The following PSMA6 variants were observed in gnomAD, a reference collection of about 807,000 sequenced individuals.
PSMA6 encodes the protein proteasome 20S subunit alpha 6.
For synonymous variants in PSMA6, 88 were observed against 97.7 expected (o/e 0.90, Z 0.59); for missense variants, 170 against 294.8 (o/e 0.58, Z 3.10).
intron 4 of PSMA6, among the ~76,000 whole-genome samples, chr14:35,312,324 G>A (rs910647120): frequency 1.4e-4 from 22 of 151,764 alleles, no homozygotes; most frequent in African/African-American, 2.2e-4. Context: ...TGGCTAACAC[G>A]GCGAAACCCG....
upstream of PSMA6, among the ~76,000 whole-genome samples, chr14:35,289,513 G>A (rs767543799): frequency 6.6e-6 from 1 of 151,774 alleles, no homozygotes; most frequent in Non-Finnish European, 1.5e-5. Flanking sequence ...TGTTGTTGTT[G>A]TATTTTAATA....
At position 35,281,246 on chromosome 14, in the gene PSMA6, T is replaced by C. The variant is rs2051363561; in HGVS notation, c.19+2528T>C. On this transcript the variant is annotated intron_variant, in intron 1 of 6. Coordinates refer to the PSMA6 transcript ENST00000540871. ...CCTTATTTTGAGTAGCCACAAACCATTCCACTTTCTCCACTCCTGTATACC... is the reference window on the plus strand; with the variant it reads ...CCTTATTTTGAGTAGCCACAAACCACTCCACTTTCTCCACTCCTGTATACC... 2.0e-5 allele frequency among the ~76,000 whole-genome samples: 3 copies of C among 152,192 alleles called. No individual in the cohort carries two copies. The South Asian group carries it at 6.2e-4, about 31-fold the overall frequency.
chr14:35,303,183 T>G (rs2051750168), intron 1 of PSMA6, among the ~76,000 whole-genome samples: 1 of 152,220 alleles, frequency 6.6e-6, no homozygotes, highest in South Asian at 2.1e-4. Flanking sequence ...TGACTTGTTT[T>G]GTTCTAATAG....
At chr14:35,304,991 T>A (rs746182244) in intron 1 of PSMA6, among the ~76,000 whole-genome samples, 70 of 151,926 alleles carry the variant, frequency 4.6e-4, no homozygotes, top group Middle Eastern at 3.2e-3. Flanking sequence ...AGTGGGAGGG[T>A]CTGAATCAGA....
intron 2 of PSMA6, chr14:35,308,567 T>A (rs929683187): frequency 4.6e-5 from 12 of 258,688 alleles, no homozygotes; most frequent in Non-Finnish European, 2.2e-5. Context: ...CTATATACAG[T>A]TCAGCTGTGT....
At position 35,292,619 on chromosome 14, in the gene PSMA6, C is replaced by T. The variant is rs879231396; in HGVS notation, c.76+67C>T. 34 of 1,575,970 alleles carry T rather than the reference C, an allele frequency of 2.2e-5. No individual in the cohort carries two copies. In the South Asian group the frequency reaches 3.7e-4, roughly 17 times the overall value. ...TGTCATGGTACGTGCCTGGAGCGAGCAGACGCGGCCCGGGTTTAGTCTGGG... is the reference window on the plus strand; with the variant it reads ...TGTCATGGTACGTGCCTGGAGCGAGTAGACGCGGCCCGGGTTTAGTCTGGG... On this transcript the variant is annotated intron_variant, in intron 1 of 6. Transcript: ENST00000261479.
Position 35,308,977 on chromosome 14 carries a change from G to A in PSMA6, c.235G>A (p.Val79Met). Reference sequence around the variant, plus strand: ...CAAGATAACTGAAAACATTGGTTGTGTGATGACCGGAATGACAGGTAATTA... The same window carrying A: ...CAAGATAACTGAAAACATTGGTTGTATGATGACCGGAATGACAGGTAATTA... ...LFKITENIGC[V>M]MTGMTADSRS... The change falls in exon 3 of 7, where the codon GTG (valine) becomes ATG (methionine). Residue 79 changes from valine (V) to methionine (M), a missense_variant. Physicochemically the swap from Val to Met is conservative, Grantham distance 21. Transcript: ENST00000261479. 6.2e-7 allele frequency: 1 copy of A among 1,607,194 alleles called. No homozygotes were observed. The highest frequency in any genetic ancestry group is 8.5e-7 in the Non-Finnish European group (1 of 1,174,548).
intron 1 of PSMA6, among the ~76,000 whole-genome samples, chr14:35,298,186 C>T (rs2051635718): frequency 1.3e-5 from 2 of 151,784 alleles, no homozygotes; most frequent in Non-Finnish European, 2.9e-5. Flanking sequence ...ATAATTTTTC[C>T]CATTTAAAAA....
upstream of PSMA6, among the ~76,000 whole-genome samples, chr14:35,288,627 A>T (rs1036770251): frequency 2.6e-5 from 4 of 152,250 alleles, no homozygotes; most frequent in Admixed American, 2.6e-4. Context: ...CCTTCCAGGA[A>T]GTATCCTTTA....
chr14:35,297,497 G>A (rs578205011), intron 1 of PSMA6, among the ~76,000 whole-genome samples: 1 of 152,256 alleles, frequency 6.6e-6, no homozygotes. Context: ...TTACAGGCGT[G>A]AGCCACCGTG....
At chr14:35,314,058 C>T (rs1157358972) in intron 5 of PSMA6, 2 of 171,528 alleles carry the variant, frequency 1.2e-5, no homozygotes, top group Non-Finnish European at 2.5e-5. Context: ...TCATCTTTAT[C>T]CTTTTCCCAT....
In PSMA6 at chr14:35,292,444, A is replaced by C. The variant is rs759324200; in HGVS notation, c.-33A>C. The C allele has an allele frequency of 1.2e-6, 2 of 1,602,530 alleles. No individual in the cohort carries two copies. The highest frequency in any genetic ancestry group is 1.7e-6 in the Non-Finnish European group (2 of 1,174,484). The stretch of plus-strand genomic sequence containing the variant: ...GCCTGGTGCGGGAGCTACGGGGCCC[A>C]GGGATTGTGTTTAAAGTAGTGCTTC... On this transcript the variant is annotated 5_prime_UTR_variant, in exon 1 of 7. Coordinates refer to ENST00000261479, the MANE Select transcript of PSMA6 (RefSeq NM_002791.3).
At chr14:35,295,509 T>C (rs2051568377) in intron 1 of PSMA6, among the ~76,000 whole-genome samples, 1 of 150,658 alleles carries the variant, frequency 6.6e-6, no homozygotes, top group Non-Finnish European at 1.5e-5. Flanking sequence ...TGGAGTGCAA[T>C]GGCCGTGATC....
chr14:35,309,035 C>T (rs1164819525), intron 3 of PSMA6, 40 bp downstream of exon 3: 1 of 1,357,506 alleles, frequency 7.4e-7, no homozygotes, highest in African/African-American at 1.5e-5. Context: ...TGTAGATATA[C>T]AAGCCTTTTG....
In PSMA6 at chr14:35,285,335, A is replaced by G. The variant is rs551180946; in HGVS notation, c.19+6617A>G. Among the ~76,000 whole-genome samples, 35 of 95,012 alleles carry G rather than the reference A, an allele frequency of 3.7e-4. 1 individual carries two copies. The South Asian group carries it at 0.012, about 33-fold the overall frequency. The allele number at this position is 95,012 out of a possible 152,430, so 62.3% of individuals were successfully genotyped here. A position where few individuals can be genotyped will look rare whatever the true frequency, so the allele number is the denominator to read the frequency against. Reference sequence around the variant, plus strand: ...AGCCAGAGTGACAGAGCAAAACTCTATCTCAAAAAAAACAAAAAACAAAAA... The same window carrying G: ...AGCCAGAGTGACAGAGCAAAACTCTGTCTCAAAAAAAACAAAAAACAAAAA... On this transcript the variant is annotated intron_variant, in intron 1 of 6. Coordinates refer to the PSMA6 transcript ENST00000540871.
At chr14:35,314,722 A>AGGT in intron 6 of PSMA6, 1 of 219,998 alleles carries the variant, frequency 4.5e-6, no homozygotes, top group Non-Finnish European at 8.4e-6. Flanking sequence ...TATGTAAGGA[A>AGGT]AAAAATTAGC....
chr14:35,305,544 A>G (rs1221117736), intron 1 of PSMA6, among the ~76,000 whole-genome samples: 2 of 152,244 alleles, frequency 1.3e-5, no homozygotes, highest in Non-Finnish European at 2.9e-5. Flanking sequence ...TACAGTTTCT[A>G]TTAAAAGAGA....
intron 1 of PSMA6, among the ~76,000 whole-genome samples, chr14:35,301,483 A>G (rs112614371): frequency 0.032 from 4,831 of 150,812 alleles, 260 homozygotes; most frequent in African/African-American, 0.11. Flanking sequence ...CACCAGCCTG[A>G]GTGACAGAGT....
At chr14:35,316,417 T>C (rs1378737569) in intron 6 of PSMA6, 1 of 151,030 alleles carries the variant, frequency 6.6e-6, no homozygotes, top group Non-Finnish European at 1.5e-5. Context: ...AAAGGAAATA[T>C]ATGTTCAACA....
Sources: gnomAD v4.1 joint callset for allele counts (sites outside exome capture counted in the v4.1 genomes callset) on GRCh38, gnomAD v4.1.1 for gene constraint, MANE v1.5 for transcripts, NCBI Gene and HGNC (gene_info 2026-07-23, HGNC 2026-07-21) for gene names.